LOXHD1: variants seen among roughly 807,000 people sequenced by gnomAD.
The protein encoded by LOXHD1 is lipoxygenase homology PLAT domains 1.
A neutral mutation model predicts 248.2 loss-of-function variants in LOXHD1; 205 were observed. The observed-to-expected ratio is 0.83, with a 90% CI of 0.74 to 0.93. LOXHD1 has a LOEUF of 0.93. Ranked by LOEUF, LOXHD1 falls within the 40% of genes least tolerant of loss-of-function variation. LOXHD1 has a pLI of 0.00. For synonymous variants in LOXHD1, 1,113 were observed against 1,162.8 expected (o/e 0.96, Z 0.87); for missense variants, 2,930 against 2,971.6 (o/e 0.99, Z 0.33).
intron 12 of LOXHD1, among the ~76,000 whole-genome samples, chr18:46,580,370 C>T (rs941974237): frequency 3.3e-5 from 5 of 152,238 alleles, no homozygotes; most frequent in African/African-American, 4.8e-5. Context: ...AGAACTCCCA[C>T]TGATAAGGAC....
chr18:46,518,950 G>A, intron 33 of LOXHD1: 1 of 985,498 alleles, frequency 1.0e-6, no homozygotes, highest in Non-Finnish European at 1.2e-6. Context: ...ACTTGAGATT[G>A]GGGTTTTGCC....
chr18:46,641,808 G>C (rs1417383650), intron 3 of LOXHD1, 148 bp downstream of exon 3: 32 of 788,870 alleles, frequency 4.1e-5, no homozygotes, highest in Non-Finnish European at 6.4e-5. Context: ...AGGGCACTGT[G>C]ATTCAGGATG....
chr18:46,639,561 G>T, intron 4 of LOXHD1, 55 bp downstream of exon 4: 1 of 1,513,308 alleles, frequency 6.6e-7, no homozygotes, highest in Non-Finnish European at 8.9e-7. Flanking sequence ...TTCTTTCCTG[G>T]GTGAGCCCAG....
rs149342621 is a variant in LOXHD1 at position 46,510,696 on chromosome 18, G to A, written c.5400-881C>T. Among the ~76,000 whole-genome samples the A allele has an allele frequency of 2.4e-3, 362 of 152,250 alleles. 1 individual carries two copies. The highest frequency in any genetic ancestry group is 7.8e-3 in the African/African-American group (323 of 41,534). Reference sequence around the variant, plus strand: ...AAAAACAGAGGCCATAGCTGATGGCGGCTGAGACTTAAATATTGCAAATTG... The same window carrying A: ...AAAAACAGAGGCCATAGCTGATGGCAGCTGAGACTTAAATATTGCAAATTG... On this transcript the variant is annotated intron_variant, in intron 34 of 40. Transcript: ENST00000642948.
rs1260849055 is a variant in LOXHD1 at position 46,483,761 on chromosome 18, G to T, written c.6183-16C>A. 5.8e-6 allele frequency: 9 copies of T among 1,549,228 alleles called. No homozygotes were observed. The highest frequency in any genetic ancestry group is 6.1e-6 in the Non-Finnish European group (7 of 1,145,558). ...TGTGGTCCCCCTGCAGGAAACAAAA[G>T]TGTGGTCCATGAGCTGCCTTTGCCC... On this transcript the variant is annotated splice_polypyrimidine_tract_variant and intron_variant, in intron 39 of 40. Coordinates refer to ENST00000642948, the MANE Select transcript of LOXHD1 (RefSeq NM_001384474.1).
intron 1 of LOXHD1, among the ~76,000 whole-genome samples, chr18:46,653,114 G>A (rs2039133138): frequency 6.6e-6 from 1 of 152,164 alleles, no homozygotes; most frequent in African/African-American, 2.4e-5. Flanking sequence ...AGGCGTGGTG[G>A]CGCACACCTG....
At chr18:46,573,170 A>G (rs1260616363) in intron 14 of LOXHD1, among the ~76,000 whole-genome samples, 1 of 151,998 alleles carries the variant, frequency 6.6e-6, no homozygotes, top group African/African-American at 2.4e-5. Context: ...GAGATAAATG[A>G]GAATTGCCTT....
At chr18:46,538,561 G>C (rs1209108498) in intron 25 of LOXHD1, among the ~76,000 whole-genome samples, 1 of 152,120 alleles carries the variant, frequency 6.6e-6, no homozygotes, top group African/African-American at 2.4e-5. Context: ...CACCCCCTCA[G>C]ACCAGGGTGT....
chr18:46,505,540 T>C (rs1271542414), intron 37 of LOXHD1, among the ~76,000 whole-genome samples: 1 of 152,220 alleles, frequency 6.6e-6, no homozygotes, highest in Non-Finnish European at 1.5e-5. Context: ...TAGCTTTTTT[T>C]CTTAATTTTT....
intron 2 of LOXHD1, 143 bp from the exon 3 acceptor site, chr18:46,642,179 C>T (rs1177358985): frequency 5.2e-6 from 4 of 766,246 alleles, no homozygotes; most frequent in Non-Finnish European, 8.8e-6. Context: ...TTCCAAGATT[C>T]CCTTCTGACA....
chr18:46,642,687 C>T (rs2038978285), intron 2 of LOXHD1, among the ~76,000 whole-genome samples: 1 of 152,230 alleles, frequency 6.6e-6, no homozygotes, highest in Admixed American at 6.5e-5. Context: ...CCAGGCAAGT[C>T]CAGATTCAGG....
rs569365809 is a variant in LOXHD1 at position 46,619,579 on chromosome 18, G to A, written c.512-1289C>T. 4.6e-5 allele frequency among the ~76,000 whole-genome samples: 7 copies of A among 152,302 alleles called. No homozygotes were observed. The South Asian group carries it at 6.2e-4, about 14-fold the overall frequency. On this transcript the variant is annotated intron_variant, in intron 4 of 40. Transcript: ENST00000642948. ...TGTACATTACAGTCTCATTAAGTAC[G>A]CTGGAAAATAAATGGAATCAAATTT... is the stretch of plus-strand genomic sequence containing the variant.
At chr18:46,649,556 A>G (rs2039081200) in intron 1 of LOXHD1, among the ~76,000 whole-genome samples, 1 of 152,214 alleles carries the variant, frequency 6.6e-6, no homozygotes, top group African/African-American at 2.4e-5. Context: ...AAGCCTCCAG[A>G]TGCCCATTCT....
intron 8 of LOXHD1, among the ~76,000 whole-genome samples, chr18:46,598,559 AC>A (rs1403171096): frequency 2.1e-4 from 32 of 152,112 alleles, no homozygotes; most frequent in Admixed American, 1.6e-3. Flanking sequence ...CAGAAAAAAA[AC>A]AAAGAATTAT....
chr18:46,486,940 A>T (rs4890658), intron 38 of LOXHD1, among the ~76,000 whole-genome samples: 52,500 of 152,044 alleles, frequency 0.35, 9,606 homozygotes, highest in East Asian at 0.75. Context: ...CACCTTGCTT[A>T]CTTTCCCACA....
At chr18:46,519,171 GC>G (rs2035435977) in intron 33 of LOXHD1, 1 of 869,180 alleles carries the variant, frequency 1.2e-6, no homozygotes, top group East Asian at 1.2e-4. Context: ...CTCACCAAGT[GC>G]CCCTGGACTC....
At chr18:46,530,721 A>G (rs542527958) in intron 28 of LOXHD1, among the ~76,000 whole-genome samples, 1 of 152,284 alleles carries the variant, frequency 6.6e-6, no homozygotes, top group East Asian at 1.9e-4. Context: ...GAACACAGTG[A>G]CACCCACAGC....
chr18:46,618,977 C>G (rs2038629340), intron 4 of LOXHD1, among the ~76,000 whole-genome samples: 1 of 152,160 alleles, frequency 6.6e-6, no homozygotes, highest in Non-Finnish European at 1.5e-5. Flanking sequence ...TTAGCTTCAG[C>G]CTCAGCCATG....
rs780400645 is a variant in LOXHD1 at position 46,594,317 on chromosome 18, T to TCC, written c.1270+13_1270+14insGG. 1.9e-6 allele frequency: 3 copies of TCC among 1,551,432 alleles called. No individual in the cohort carries two copies. The South Asian group carries it at 3.6e-5, about 18-fold the overall frequency. Reference sequence around the variant, plus strand: ...GGCTGAGAGGCCTCCAGGTTCTGGGTCTCTCTCACTTACTTTTCAGCCGCT... The same window carrying TCC: ...GGCTGAGAGGCCTCCAGGTTCTGGGTCCCTCTCTCACTTACTTTTCAGCCGCT... On this transcript the variant is annotated intron_variant, in intron 9 of 40. Transcript: ENST00000642948.
Sources: allele counts gnomAD v4.1 joint callset (sites outside exome capture counted in the v4.1 genomes callset), GRCh38; gene constraint gnomAD v4.1.1; transcripts MANE v1.5; gene names NCBI Gene and HGNC (gene_info 2026-07-23, HGNC 2026-07-21).